Variants in MET observed in about 807,000 individuals in gnomAD.
The protein encoded by MET is hepatocyte growth factor receptor.
In MET, 48 loss-of-function variants were observed where a neutral mutation model predicts 133.1. That is an observed-to-expected ratio of 0.36 (90% confidence interval 0.29 to 0.46). The LOEUF (loss-of-function observed/expected upper bound fraction) is 0.46, where lower values mean the gene tolerates loss of function less well. Ranked by LOEUF, MET falls within the 20% of genes least tolerant of loss-of-function variation. The pLI is 1.00. For synonymous variants in MET, 628 were observed against 616.5 expected, an observed-to-expected ratio of 1.02 and a Z score of -0.28; for missense variants, 1,442 against 1,695.9, an observed-to-expected ratio of 0.85 and a Z score of 2.63.
At chr7:116,764,089 G>A (rs970615851) in intron 11 of MET, among the ~76,000 whole-genome samples, 4 of 152,104 alleles carry the variant, frequency 2.6e-5, no homozygotes, top group Non-Finnish European at 4.4e-5. Flanking sequence ...CAATAGGATA[G>A]TCTTTATTTG....
At chr7:116,684,635 G>C (rs1331724479) in intron 1 of MET, among the ~76,000 whole-genome samples, 3 of 152,182 alleles carry the variant, frequency 2.0e-5, no homozygotes, top group Non-Finnish European at 4.4e-5. Context: ...TCCATAAAGA[G>C]GGATCCACAT....
Position 116,795,986 on chromosome 7 carries a change from T to C in MET, c.4035T>C (p.Ile1345=). 6.2e-7 allele frequency: 1 copy of C among 1,614,128 alleles called. No individual in the cohort carries two copies. Among genetic ancestry groups the C allele is most frequent in the East Asian group, 2.2e-5 (1 of 44,878 alleles). The change falls in exon 21 of 21, where the codon ATT becomes ATC. Residue 1345 remains isoleucine, a synonymous_variant. Transcript: ENST00000397752. ...TATCAGCGATCTTCTCTACTTTCAT[T>C]GGGGAGCACTATGTCCATGTGAACG... ...SRISAIFSTF[I]GEHYVHVNAT...
At chr7:116,788,345 T>C (rs1446423671) in intron 19 of MET, among the ~76,000 whole-genome samples, 1 of 152,232 alleles carries the variant, frequency 6.6e-6, no homozygotes, top group Non-Finnish European at 1.5e-5. Flanking sequence ...TGGTGAGTTT[T>C]ATGATCTATA....
rs771477900 is a variant in MET at position 116,757,593 on chromosome 7, A to G, written c.1966-45A>G. 5.6e-6 allele frequency: 9 copies of G among 1,613,300 alleles called. No homozygotes were observed. Among genetic ancestry groups the G allele is most frequent in the South Asian group, 1.1e-5 (1 of 91,080 alleles). On this transcript the variant is annotated intron_variant, in intron 7 of 20. Coordinates refer to ENST00000397752, the MANE Select transcript of MET (RefSeq NM_000245.4). ...GATTTTTACTTAATCTATTTAAATT[A>G]TAAGATGAACAAGTTACTTTGTTTT...
At chr7:116,675,643 C>T (rs1380220737) in intron 1 of MET, among the ~76,000 whole-genome samples, 1 of 152,080 alleles carries the variant, frequency 6.6e-6, no homozygotes, top group Non-Finnish European at 1.5e-5. Context: ...CTATTGGAAA[C>T]ATTTTCCATG....
chr7:116,710,101 C>T (rs556568244), intron 2 of MET, among the ~76,000 whole-genome samples: 16 of 152,112 alleles, frequency 1.1e-4, no homozygotes, highest in South Asian at 8.3e-4. Flanking sequence ...GTTTATCTGG[C>T]GCCAATGTGG....
rs2116596040 is a variant in MET, at chr7:116,699,798, A to T, written c.714A>T (p.Leu238Phe). The change falls in exon 2 of 21, where the codon TTA (leucine) becomes TTT (phenylalanine). Residue 238 changes from leucine (L) to phenylalanine (F), a missense_variant. By Grantham distance (22) the Leu-to-Phe change is conservative. Around this residue, in one of 6 missense-constraint regions of MET, gnomAD observed 762 missense variants for 792.4 expected, o/e 0.96. Transcript: ENST00000397752. Reference sequence around the variant, plus strand: ...CGGACCAGTCCTACATTGATGTTTTACCTGAGTTCAGAGATTCTTACCCCA... The same window carrying T: ...CGGACCAGTCCTACATTGATGTTTTTCCTGAGTTCAGAGATTCTTACCCCA... ...FLTDQSYIDVLPEFRDSYPIK... is the reference protein window; with the variant it reads ...FLTDQSYIDVFPEFRDSYPIK... 6.2e-7 allele frequency: 1 copy of T among 1,614,124 alleles called. No individual in the cohort carries two copies.
intron 1 of MET, among the ~76,000 whole-genome samples, chr7:116,690,611 T>G (rs1481343753): frequency 6.6e-6 from 1 of 152,244 alleles, no homozygotes; most frequent in Non-Finnish European, 1.5e-5. Context: ...TAAATGTAGG[T>G]GCTTTTGATG....
At chr7:116,692,180 A>T (rs1408806649) in intron 1 of MET, among the ~76,000 whole-genome samples, 1 of 152,158 alleles carries the variant, frequency 6.6e-6, no homozygotes, top group Non-Finnish European at 1.5e-5. Flanking sequence ...TCCTCTTTGA[A>T]CCTCAGTTTT....
Position 116,784,678 on chromosome 7 carries a change from G to A in MET, c.3798+1209G>A, listed in dbSNP as rs543884890. ...ACCACGCCCCTCCCTCAGCATTGGG[G>A]ATTACAATTTTACATGAGAGTTGGG... On this transcript the variant is annotated intron_variant, in intron 19 of 20. Coordinates refer to ENST00000397752, the MANE Select transcript of MET (RefSeq NM_000245.4). Among the ~76,000 whole-genome samples, 8 of 152,222 alleles carry A rather than the reference G, an allele frequency of 5.3e-5. No individual in the cohort carries two copies. The South Asian group carries it at 1.2e-3, about 24-fold the overall frequency.
At chr7:116,696,940 C>T (rs114692368) in intron 1 of MET, among the ~76,000 whole-genome samples, 1,675 of 152,306 alleles carry the variant, frequency 0.011, 19 homozygotes, top group African/African-American at 0.038. Flanking sequence ...TCATTTCCGC[C>T]TCTGTTCTTT....
rs1584877845 is a variant in MET at position 116,699,950 on chromosome 7, A to G, written c.866A>G (p.His289Arg). Residue 289 changes from histidine (H) to arginine (R), a missense_variant, in exon 2 of 21, where the codon CAT (histidine) becomes CGT (arginine). By Grantham distance (29) the His-to-Arg change is conservative (BLOSUM62 0). Around this residue, in one of 6 missense-constraint regions of MET, gnomAD observed 762 missense variants for 792.4 expected, o/e 0.96. Coordinates refer to ENST00000397752, the MANE Select transcript of MET (RefSeq NM_000245.4). ...IRFCSINSGL[H>R]SYMEMPLECI... ...TTCTGTTCCATAAACTCTGGATTGC[A>G]TTCCTACATGGAAATGCCTCTGGAG... is the stretch of plus-strand genomic sequence containing the variant. 1.2e-6 allele frequency: 2 copies of G among 1,613,976 alleles called. No homozygotes were observed. Among genetic ancestry groups the G allele is most frequent in the East Asian group, 2.2e-5 (1 of 44,898 alleles).
At chr7:116,784,231 T>C (rs1341722094) in intron 19 of MET, among the ~76,000 whole-genome samples, 1 of 152,330 alleles carries the variant, frequency 6.6e-6, no homozygotes, top group Admixed American at 6.5e-5. Context: ...TGAGAATAAA[T>C]GGAGAAAAAT....
chr7:116,695,736 T>C (rs1468908651), intron 1 of MET: 2 of 482,748 alleles, frequency 4.1e-6, no homozygotes, highest in South Asian at 3.2e-5. Flanking sequence ...ATAATAATAC[T>C]TCCTTCTTCA....
chr7:116,730,985 G>C (rs982365238), intron 2 of MET, among the ~76,000 whole-genome samples: 2 of 152,166 alleles, frequency 1.3e-5, no homozygotes, highest in Non-Finnish European at 2.9e-5. Context: ...TCTATTGTGA[G>C]AGATTTATAT....
chr7:116,743,019 G>A (rs1162959071), intron 5 of MET, among the ~76,000 whole-genome samples: 1 of 152,236 alleles, frequency 6.6e-6, no homozygotes, highest in Non-Finnish European at 1.5e-5. Context: ...ATTTCTGCAT[G>A]TCCAACAGAG....
intron 1 of MET, among the ~76,000 whole-genome samples, chr7:116,696,204 G>A (rs776418678): frequency 3.9e-5 from 6 of 152,032 alleles, no homozygotes; most frequent in Non-Finnish European, 7.4e-5. Context: ...TTGAGACTCG[G>A]CTCTAGCATC....
chr7:116,756,903 G>T (rs573071639), intron 6 of MET, among the ~76,000 whole-genome samples: 1 of 152,168 alleles, frequency 6.6e-6, no homozygotes, highest in South Asian at 2.1e-4. Context: ...TTTCCTGTTT[G>T]TCTGTATAAG....
chr7:116,748,266 A>G (rs1194715008), intron 5 of MET, among the ~76,000 whole-genome samples: 2 of 152,202 alleles, frequency 1.3e-5, no homozygotes, highest in Non-Finnish European at 2.9e-5. Context: ...AACAACAACA[A>G]AAAAGAAGCT....
Sources: allele counts gnomAD v4.1 joint callset (sites outside exome capture counted in the v4.1 genomes callset), GRCh38; gene constraint gnomAD v4.1.1; regional missense constraint gnomAD v4.1.1; transcripts MANE v1.5; gene names NCBI Gene and HGNC (gene_info 2026-07-23, HGNC 2026-07-21).